TSPAN5: variants seen among roughly 807,000 people sequenced by gnomAD.
TSPAN5 encodes the protein tetraspanin 5, also known as tetraspanin-5.
In TSPAN5, 10 loss-of-function variants were observed where a neutral mutation model predicts 37.1. The observed-to-expected ratio is 0.27, with a 90% CI of 0.17 to 0.46. The LOEUF (loss-of-function observed/expected upper bound fraction) is 0.46. TSPAN5 is among the 20% of genes least tolerant of loss of function. The pLI is 1.00. For synonymous variants in TSPAN5, 110 were observed against 118.9 expected (o/e 0.93, Z 0.48); for missense variants, 195 against 326.6 (o/e 0.60, Z 3.11).
intron 1 of TSPAN5, among the ~76,000 whole-genome samples, chr4:98,568,521 G>A (rs780561316): frequency 1.2e-4 from 18 of 151,946 alleles, no homozygotes; most frequent in Non-Finnish European, 2.2e-4. Flanking sequence ...CAGCCTGGGC[G>A]ACAGTCCCCC....
intron 1 of TSPAN5, among the ~76,000 whole-genome samples, chr4:98,617,039 A>C (rs1255565898): frequency 1.3e-5 from 2 of 152,090 alleles, no homozygotes; most frequent in African/African-American, 4.8e-5. Flanking sequence ...TGCCCAGTCT[A>C]GTCTTGAACT....
intron 1 of TSPAN5, among the ~76,000 whole-genome samples, chr4:98,566,762 A>G (rs1358295341): frequency 1.3e-5 from 2 of 152,230 alleles, no homozygotes; most frequent in African/African-American, 4.8e-5. Flanking sequence ...TGTCACCACC[A>G]GCATAGCAGG....
At chr4:98,495,312 G>C (rs1753176727) in intron 2 of TSPAN5, among the ~76,000 whole-genome samples, 1 of 152,172 alleles carries the variant, frequency 6.6e-6, no homozygotes, top group Admixed American at 6.5e-5. Context: ...GGTGGATCAA[G>C]AGGTCAGGAG....
chr4:98,525,757 A>T (rs1188367066), intron 1 of TSPAN5, among the ~76,000 whole-genome samples: 1 of 152,110 alleles, frequency 6.6e-6, no homozygotes, highest in African/African-American at 2.4e-5. Context: ...TGTTTTTGTG[A>T]CCAGAAATAT....
chr4:98,521,412 T>A (rs1009586326), intron 1 of TSPAN5, among the ~76,000 whole-genome samples: 1 of 152,168 alleles, frequency 6.6e-6, no homozygotes. Flanking sequence ...TCACTATGTA[T>A]CACCTGGCCC....
rs140509307 is a variant in TSPAN5, at chr4:98,526,364, C to A, written c.82-18636G>T. On this transcript the variant is annotated intron_variant, in intron 1 of 7. Coordinates refer to ENST00000305798, the MANE Select transcript of TSPAN5 (RefSeq NM_005723.4). Reference sequence around the variant, plus strand: ...ATAGTAGTCATGGCGAGAGGCAACCCGCTCCCAAGGGTAAACACACAAACT... The same window carrying A: ...ATAGTAGTCATGGCGAGAGGCAACCAGCTCCCAAGGGTAAACACACAAACT... Among the ~76,000 whole-genome samples the A allele has an allele frequency of 4.3e-3, 662 of 152,264 alleles. 5 individuals carry two copies. The highest frequency in any genetic ancestry group is 0.014 in the Middle Eastern group (4 of 294).
chr4:98,611,639 G>A (rs886390092), intron 1 of TSPAN5, among the ~76,000 whole-genome samples: 4 of 152,338 alleles, frequency 2.6e-5, no homozygotes, highest in Non-Finnish European at 5.9e-5. Flanking sequence ...AAAACAAGCT[G>A]CCTCGTCTGT....
At chr4:98,586,799 G>A (rs925803671) in intron 1 of TSPAN5, among the ~76,000 whole-genome samples, 1 of 152,210 alleles carries the variant, frequency 6.6e-6, no homozygotes, top group African/African-American at 2.4e-5. Flanking sequence ...ACACACAATA[G>A]CGTGCACATG....
intron 1 of TSPAN5, among the ~76,000 whole-genome samples, chr4:98,576,576 C>T (rs564941788): frequency 2.6e-5 from 4 of 151,988 alleles, no homozygotes; most frequent in East Asian, 3.9e-4. Context: ...ATTAGCCAGG[C>T]GTGGTGGCAT....
At chr4:98,534,003 T>C (rs1005955430) in intron 1 of TSPAN5, among the ~76,000 whole-genome samples, 1 of 139,176 alleles carries the variant, frequency 7.2e-6, no homozygotes, top group African/African-American at 2.7e-5. Context: ...GAGTTTTTCG[T>C]GTCTCTATCT....
intron 1 of TSPAN5, among the ~76,000 whole-genome samples, chr4:98,549,472 T>A (rs1177236614): frequency 6.6e-6 from 1 of 152,064 alleles, no homozygotes; most frequent in African/African-American, 2.4e-5. Context: ...TAGTGTTTTT[T>A]GTATTTTTAG....
intron 1 of TSPAN5, among the ~76,000 whole-genome samples, chr4:98,640,754 C>T (rs759358797): frequency 1.4e-4 from 21 of 152,172 alleles, no homozygotes; most frequent in Non-Finnish European, 2.4e-4. Context: ...GTACACTTTT[C>T]TAACAAGGAA....
chr4:98,492,865 C>G (rs1180717665), intron 2 of TSPAN5, among the ~76,000 whole-genome samples: 1 of 152,174 alleles, frequency 6.6e-6, no homozygotes, highest in Non-Finnish European at 1.5e-5. Flanking sequence ...TGCATGTAAA[C>G]TTGAATGTTC....
intron 1 of TSPAN5, among the ~76,000 whole-genome samples, chr4:98,576,908 C>T (rs1202770793): frequency 6.6e-6 from 1 of 152,008 alleles, no homozygotes; most frequent in Admixed American, 6.6e-5. Context: ...TACAGGTACC[C>T]GCCACCACAT....
intron 4 of TSPAN5, 24 bp from the exon 5 acceptor site, chr4:98,478,834 G>T: frequency 6.2e-7 from 1 of 1,610,310 alleles, no homozygotes. Context: ...GAAAGAATTA[G>T]AACATCCCAA....
At chr4:98,567,773 T>C (rs1002227373) in intron 1 of TSPAN5, among the ~76,000 whole-genome samples, 1 of 151,640 alleles carries the variant, frequency 6.6e-6, no homozygotes, top group Admixed American at 6.6e-5. Context: ...GTCAGAGAAG[T>C]AGAAACGAGT....
chr4:98,499,575 G>A (rs952658813), intron 2 of TSPAN5, among the ~76,000 whole-genome samples: 6 of 151,546 alleles, frequency 4.0e-5, no homozygotes, highest in African/African-American at 1.5e-4. Context: ...TATACTTCAT[G>A]TGTGTGTGAA....
intron 1 of TSPAN5, among the ~76,000 whole-genome samples, chr4:98,529,092 G>A (rs1394704013): frequency 1.8e-4 from 28 of 152,160 alleles, no homozygotes; most frequent in African/African-American, 2.4e-5. Context: ...CTTGACCACC[G>A]TAAATCCCTG....
At chr4:98,478,346 A>G (rs905574126) in intron 5 of TSPAN5, among the ~76,000 whole-genome samples, 2 of 152,264 alleles carry the variant, frequency 1.3e-5, no homozygotes, top group African/African-American at 4.8e-5. Context: ...ATTGCCTGCT[A>G]GCAGTGCAAG....
Sources: allele counts gnomAD v4.1 joint callset (sites outside exome capture counted in the v4.1 genomes callset), GRCh38; gene constraint gnomAD v4.1.1; transcripts MANE v1.5; gene names NCBI Gene and HGNC (gene_info 2026-07-23, HGNC 2026-07-21).